Variants in MEIKIN observed in about 807,000 individuals in gnomAD.
MEIKIN encodes meiosis-specific kinetochore protein.
chr5:131,874,519 A>G (rs1452012500), intron 9 of MEIKIN, among the ~76,000 whole-genome samples: 1 of 152,238 alleles, frequency 6.6e-6, no homozygotes, highest in African/African-American at 2.4e-5. Flanking sequence ...TTACCAACGA[A>G]AAAAGTCCAG....
intron 11 of MEIKIN, among the ~76,000 whole-genome samples, chr5:131,829,461 T>G (rs117677189): frequency 2.6e-5 from 4 of 152,006 alleles, no homozygotes; most frequent in Non-Finnish European, 4.4e-5. Flanking sequence ...CAGAGAGCAA[T>G]AGCACCCTAT....
intron 9 of MEIKIN, among the ~76,000 whole-genome samples, chr5:131,875,095 G>A (rs1251181569): frequency 6.6e-6 from 1 of 152,206 alleles, no homozygotes; most frequent in Non-Finnish European, 1.5e-5. Context: ...AGACAGGGAT[G>A]TCCTCTCTTA....
chr5:131,918,523 C>A (rs1193894570), intron 6 of MEIKIN, among the ~76,000 whole-genome samples: 1 of 152,166 alleles, frequency 6.6e-6, no homozygotes, highest in Non-Finnish European at 1.5e-5. Context: ...CAATAAAGGA[C>A]CCCTAACTCA....
At chr5:131,818,670 T>C (rs1773145293) in intron 12 of MEIKIN, 70 bp downstream of exon 12, 2 of 388,856 alleles carry the variant, frequency 5.1e-6, no homozygotes, top group Non-Finnish European at 9.1e-6. Flanking sequence ...CCTGTGTACA[T>C]AAGGCATTTT....
intron 12 of MEIKIN, among the ~76,000 whole-genome samples, chr5:131,812,630 T>A (rs1279302886): frequency 6.6e-6 from 1 of 151,810 alleles, no homozygotes; most frequent in Non-Finnish European, 1.5e-5. Context: ...TCCAGCCCAC[T>A]CACTGAGTGA....
intron 8 of MEIKIN, among the ~76,000 whole-genome samples, chr5:131,907,200 G>C (rs1256141126): frequency 1.3e-5 from 2 of 151,758 alleles, no homozygotes; most frequent in Admixed American, 6.6e-5. Context: ...AGTACTAACA[G>C]GGAAATTTAC....
At chr5:131,927,871 C>A (rs1464266981) in intron 5 of MEIKIN, among the ~76,000 whole-genome samples, 1 of 152,086 alleles carries the variant, frequency 6.6e-6, no homozygotes, top group African/African-American at 2.4e-5. Context: ...ATCGGCCGGG[C>A]GCGGTGGCTC....
At chr5:131,830,321 T>A (rs11958749) in intron 11 of MEIKIN, among the ~76,000 whole-genome samples, 3 of 152,080 alleles carry the variant, frequency 2.0e-5, no homozygotes, top group African/African-American at 7.3e-5. Context: ...CAATTGAGCC[T>A]GGGAGGTCAA....
intron 8 of MEIKIN, among the ~76,000 whole-genome samples, chr5:131,910,890 T>C (rs1751325696): frequency 6.6e-6 from 1 of 152,068 alleles, no homozygotes; most frequent in African/African-American, 2.4e-5. Flanking sequence ...GCTTTGTAAA[T>C]ATTTTCCACA....
At chr5:131,909,310 T>C (rs1174800090) in intron 8 of MEIKIN, among the ~76,000 whole-genome samples, 1 of 152,104 alleles carries the variant, frequency 6.6e-6, no homozygotes, top group Non-Finnish European at 1.5e-5. Context: ...AAGGACATTC[T>C]TTGGGGAAGG....
At chr5:131,817,065 A>G (rs895171405) in intron 12 of MEIKIN, among the ~76,000 whole-genome samples, 6 of 152,214 alleles carry the variant, frequency 3.9e-5, no homozygotes, top group African/African-American at 1.4e-4. Flanking sequence ...GGACCAGAAT[A>G]GAAAAGGCGG....
chr5:131,852,568 G>A (rs2149615601), intron 10 of MEIKIN, among the ~76,000 whole-genome samples: 1 of 152,170 alleles, frequency 6.6e-6, no homozygotes, highest in South Asian at 2.1e-4. Flanking sequence ...GGCACAAAAC[G>A]CCACATGTTA....
At chr5:131,889,012 G>C (rs1750856758) in intron 8 of MEIKIN, among the ~76,000 whole-genome samples, 1 of 152,226 alleles carries the variant, frequency 6.6e-6, no homozygotes, top group Non-Finnish European at 1.5e-5. Flanking sequence ...TCAAACATCA[G>C]ATAGTTGTAG....
intron 9 of MEIKIN, among the ~76,000 whole-genome samples, chr5:131,871,537 G>A (rs1052789235): frequency 6.6e-6 from 1 of 152,238 alleles, no homozygotes; most frequent in Non-Finnish European, 1.5e-5. Flanking sequence ...AGCTCAAGGA[G>A]GCCTGCCTGC....
intron 8 of MEIKIN, among the ~76,000 whole-genome samples, chr5:131,880,521 C>T (rs989693126): frequency 3.3e-5 from 5 of 152,064 alleles, no homozygotes; most frequent in South Asian, 2.1e-4. Context: ...GGATTACAGG[C>T]GTAAGCCATG....
chr5:131,894,742 T>G (rs1049381935), intron 8 of MEIKIN, among the ~76,000 whole-genome samples: 2 of 152,222 alleles, frequency 1.3e-5, no homozygotes, highest in African/African-American at 4.8e-5. Context: ...TTTTTGCACA[T>G]TGATTTTGTA....
chr5:131,840,264 C>G (rs1561728648), intron 11 of MEIKIN, among the ~76,000 whole-genome samples: 1 of 152,108 alleles, frequency 6.6e-6, no homozygotes, highest in Non-Finnish European at 1.5e-5. Context: ...TGTGGGTGAC[C>G]TGACCTTTTT....
intron 11 of MEIKIN, among the ~76,000 whole-genome samples, chr5:131,822,896 G>A (rs993865185): frequency 2.0e-5 from 3 of 146,542 alleles, no homozygotes; most frequent in African/African-American, 7.5e-5. Context: ...GCTTTTATTT[G>A]TGTATGGAGA....
chr5:131,883,238 A>G (rs2149630025), intron 8 of MEIKIN, among the ~76,000 whole-genome samples: 1 of 152,338 alleles, frequency 6.6e-6, no homozygotes, highest in African/African-American at 2.4e-5. Flanking sequence ...AGGCAGCTGC[A>G]TATAATGGTC....
Sources: allele counts gnomAD v4.1 joint callset (sites outside exome capture counted in the v4.1 genomes callset), GRCh38; gene constraint gnomAD v4.1.1; transcripts MANE v1.5; gene names NCBI Gene and HGNC (gene_info 2026-07-23, HGNC 2026-07-21).